Variants in SPAG6 observed in about 807,000 individuals in gnomAD.
SPAG6 encodes sperm-associated antigen 6.
Under a neutral mutation model 58.5 loss-of-function variants are expected in SPAG6, and 49 were observed. The observed-to-expected ratio is 0.84, with a 90% confidence interval of 0.67 to 1.06. SPAG6 has a LOEUF of 1.06. Ranked by LOEUF, SPAG6 falls within the 50% of genes least tolerant of loss-of-function variation. The pLI, the probability that SPAG6 is intolerant of heterozygous loss-of-function variation, is 0.00. For missense variants in SPAG6, 560 were observed against 611.3 expected, an observed-to-expected ratio of 0.92 and a Z score of 0.89; for synonymous variants, 233 against 225.6, an observed-to-expected ratio of 1.03 and a Z score of -0.29.
At chr10:22,365,633 G>A (rs920979967) in intron 3 of SPAG6, among the ~76,000 whole-genome samples, 4 of 152,068 alleles carry the variant, frequency 2.6e-5, no homozygotes, top group Admixed American at 6.6e-5. Context: ...GTAGGTTTTG[G>A]ACTGTTCATT....
chr10:22,411,058 C>A lies in SPAG6; in HGVS notation c.1342C>A (p.Arg448=), dbSNP rs751438393. 1 of 1,613,998 alleles carries A rather than the reference C, an allele frequency of 6.2e-7. No individual in the cohort carries two copies. The highest frequency in any genetic ancestry group is 2.2e-5 in the East Asian group (1 of 44,870). The change falls in exon 10 of 11, where the codon CGA becomes AGA. Residue 448 remains arginine, a synonymous_variant. Coordinates refer to ENST00000376624, the MANE Select transcript of SPAG6 (RefSeq NM_012443.4). The part of the protein sequence containing the change: ...KVLPHDSKAR[R]LFVTSGGLKK... Reference sequence around the variant, plus strand: ...GCTGCCGCATGATAGCAAAGCTCGACGACTTTTTGTAACAAGTGGTGGCCT... The same window carrying A: ...GCTGCCGCATGATAGCAAAGCTCGAAGACTTTTTGTAACAAGTGGTGGCCT...
At chr10:22,360,207 C>T (rs1232040900) in intron 2 of SPAG6, among the ~76,000 whole-genome samples, 1 of 151,804 alleles carries the variant, frequency 6.6e-6, no homozygotes, top group African/African-American at 2.4e-5. Flanking sequence ...ATATGTATCC[C>T]TATTGCTTGC....
intron 4 of SPAG6, among the ~76,000 whole-genome samples, chr10:22,384,949 T>C (rs1834034744): frequency 6.6e-6 from 1 of 152,160 alleles, no homozygotes. Flanking sequence ...TTTTAAACCG[T>C]TGTAGTTTGC....
intron 4 of SPAG6, among the ~76,000 whole-genome samples, chr10:22,373,408 C>T (rs181457409): frequency 1.1e-4 from 16 of 152,242 alleles, no homozygotes; most frequent in Admixed American, 2.0e-4. Flanking sequence ...ATATCAATAG[C>T]TTAAATAGTG....
chr10:22,416,515 A>G (rs1834867892), intron 10 of SPAG6, 104 bp from the exon 11 acceptor site: 2 of 701,682 alleles, frequency 2.9e-6, no homozygotes, highest in South Asian at 3.5e-5. Context: ...TGTATTTGAG[A>G]TTTCACTCAC....
chr10:22,406,578 T>C (rs1834562113), intron 9 of SPAG6, among the ~76,000 whole-genome samples: 1 of 152,220 alleles, frequency 6.6e-6, no homozygotes, highest in Non-Finnish European at 1.5e-5. Flanking sequence ...AATTTTGGAA[T>C]AGGTGTGGTG....
chr10:22,400,016 A>G (rs2132101685), intron 8 of SPAG6, among the ~76,000 whole-genome samples: 2 of 152,304 alleles, frequency 1.3e-5, no homozygotes, highest in East Asian at 3.9e-4. Flanking sequence ...GAGGCTATGC[A>G]AGACTGCTTA....
chr10:22,345,652 G>T lies in SPAG6; in HGVS notation c.25+16G>T. Reference sequence around the variant, plus strand: ...GTGCTGCAAGGTAGGGCCGAGGCGGGCAGGTGCCCTAACTAGCTGGCGCCG... The same window carrying T: ...GTGCTGCAAGGTAGGGCCGAGGCGGTCAGGTGCCCTAACTAGCTGGCGCCG... On this transcript the variant is annotated intron_variant, in intron 1 of 10. Coordinates refer to ENST00000376624, the MANE Select transcript of SPAG6 (RefSeq NM_012443.4). This position sits in a 1 kb window ranked among gnomAD's most constrained non-coding sequence, Gnocchi z 6.3. 1.3e-6 allele frequency: 2 copies of T among 1,555,022 alleles called. No individual in the cohort carries two copies. Among genetic ancestry groups the T allele is most frequent in the Non-Finnish European group, 1.7e-6 (2 of 1,150,920 alleles).
intron 3 of SPAG6, among the ~76,000 whole-genome samples, chr10:22,365,540 T>C (rs114494137): frequency 1.3e-4 from 20 of 152,320 alleles, no homozygotes; most frequent in South Asian, 4.1e-4. Context: ...CCCTGTTTTT[T>C]TCCCCCTCCT....
intron 2 of SPAG6, among the ~76,000 whole-genome samples, chr10:22,356,557 C>G (rs535865008): frequency 1.3e-5 from 2 of 152,364 alleles, no homozygotes; most frequent in South Asian, 4.1e-4. Flanking sequence ...AGCTTTATCT[C>G]TTGCTACCTC....
intron 6 of SPAG6, among the ~76,000 whole-genome samples, chr10:22,388,636 T>C (rs547454752): frequency 4.1e-4 from 62 of 152,326 alleles, no homozygotes; most frequent in South Asian, 8.3e-4. Context: ...GACTAATCAA[T>C]TTTTATTTCA....
Position 22,391,601 on chromosome 10 carries a change from A to G in SPAG6, c.1006-128A>G, listed in dbSNP as rs944765528. 9.6e-6 allele frequency: 7 copies of G among 729,390 alleles called. No individual in the cohort carries two copies. In the African/African-American group the frequency reaches 1.3e-4, roughly 13 times the overall value. The allele number at this position is 729,390 out of a possible 1,614,324, so 45.2% of individuals were successfully genotyped here. A position where few individuals can be genotyped will look rare whatever the true frequency, so the allele number is the denominator to read the frequency against. On this transcript the variant is annotated intron_variant, in intron 7 of 10. Transcript: ENST00000376624. ...AAATGACAGCCCCTGTGATGTGCTC[A>G]TTTATTGAACCATTTAAGAAAAAAA...
chr10:22,356,326 C>G lies in SPAG6; in HGVS notation c.122-8527C>G, dbSNP rs549283927. ...CTTCAGGGGTGCCATTTATATCAAT[C>G]TATGTGAACGGCATTCCTTCGATTT... On this transcript the variant is annotated intron_variant, in intron 2 of 10. Coordinates refer to ENST00000376624, the MANE Select transcript of SPAG6 (RefSeq NM_012443.4). Among the ~76,000 whole-genome samples the G allele has an allele frequency of 4.3e-4, 66 of 152,224 alleles. 1 individual carries two copies. Among genetic ancestry groups the G allele is most frequent in the Non-Finnish European group, 7.3e-4 (50 of 68,048 alleles).
At chr10:22,397,698 G>A (rs554821481) in intron 8 of SPAG6, among the ~76,000 whole-genome samples, 1 of 152,010 alleles carries the variant, frequency 6.6e-6, no homozygotes, top group Non-Finnish European at 1.5e-5. Context: ...ATAACATCAA[G>A]CATTAAATAC....
chr10:22,395,560 A>G (rs1369116636), intron 8 of SPAG6, among the ~76,000 whole-genome samples: 3 of 152,156 alleles, frequency 2.0e-5, no homozygotes, highest in Non-Finnish European at 2.9e-5. Flanking sequence ...CCCTTTGCTC[A>G]TTTTAAACTG....
Position 22,389,306 on chromosome 10 carries a change from T to G in SPAG6, c.999T>G (p.Ile333Met). Residue 333 changes from isoleucine (I) to methionine (M), a missense_variant, in exon 7 of 11, where the codon ATT becomes ATG. Physicochemically the swap from Ile to Met is conservative, Grantham distance 10. Coordinates refer to ENST00000376624, the MANE Select transcript of SPAG6 (RefSeq NM_012443.4). ...AGAACCTAGCAATGGCAGTCATCATTTCTAAGGTTTGTTCTTGCTTCGTTT... is the reference window on the plus strand; with the variant it reads ...AGAACCTAGCAATGGCAGTCATCATGTCTAAGGTTTGTTCTTGCTTCGTTT... ...HSENLAMAVI[I>M]SKGVPQLSVC... The G allele has an allele frequency of 6.2e-7, 1 of 1,611,632 alleles. No individual in the cohort carries two copies. The highest frequency in any genetic ancestry group is 2.2e-5 in the East Asian group (1 of 44,862).
chr10:22,403,559 AGTCTTTGCTATT>A (rs1834469997), intron 9 of SPAG6, among the ~76,000 whole-genome samples: 1 of 151,438 alleles, frequency 6.6e-6, no homozygotes, highest in South Asian at 2.1e-4. Flanking sequence ...GTTGGTTCCA[AGTCTTTGCTATT>A]GTGAATAGTG....
intron 4 of SPAG6, among the ~76,000 whole-genome samples, chr10:22,370,125 T>C (rs938801646): frequency 5.3e-5 from 8 of 152,186 alleles, no homozygotes; most frequent in African/African-American, 1.9e-4. Context: ...AAAAAAGATA[T>C]AAAATTGTAT....
At chr10:22,405,950 G>A (rs1160030237) in intron 9 of SPAG6, among the ~76,000 whole-genome samples, 1 of 152,080 alleles carries the variant, frequency 6.6e-6, no homozygotes, top group Non-Finnish European at 1.5e-5. Context: ...ATTCTCTGAT[G>A]GTAGTTTGTA....
Sources: gnomAD v4.1 joint callset for allele counts (sites outside exome capture counted in the v4.1 genomes callset) on GRCh38, gnomAD v4.1.1 for gene constraint, Gnocchi (gnomAD v3.1) non-coding constraint, MANE v1.5 for transcripts, NCBI Gene and HGNC (gene_info 2026-07-23, HGNC 2026-07-21) for gene names.